Variants in NCR2 observed in about 807,000 individuals in gnomAD.
The protein encoded by NCR2 is NK cell activating receptor (NKp44).
Under a neutral mutation model 30.7 loss-of-function variants are expected in NCR2, and 35 were observed. The observed-to-expected ratio is 1.14, with a 90% CI of 0.87 to 1.51. The LOEUF (loss-of-function observed/expected upper bound fraction) is 1.51, where lower values mean the gene tolerates loss of function less well. Among genes scored for constraint, NCR2 ranks in the 40% most tolerant of loss-of-function variants. The probability of loss-of-function intolerance (pLI) is 0.00; values close to 1 mark genes in which losing one functional copy is unlikely to be tolerated. For synonymous variants in NCR2, 146 were observed against 134.8 expected, an observed-to-expected ratio of 1.08 and a Z score of -0.58; for missense variants, 316 against 328.9, an observed-to-expected ratio of 0.96 and a Z score of 0.30.
rs572651480 is a variant in NCR2 at position 41,350,191 on chromosome 6, C to T, written c.645-487C>T. ...TGGTAAAAACAGAACTGATAACACA[C>T]ATATTACCAAGCTATTTGGATTTCT... On this transcript the variant is annotated intron_variant, in intron 4 of 4. Coordinates refer to ENST00000373089, the MANE Select transcript of NCR2 (RefSeq NM_004828.4). 5.3e-5 allele frequency among the ~76,000 whole-genome samples: 8 copies of T among 152,288 alleles called. No homozygotes were observed. In the South Asian group the frequency reaches 1.7e-3, roughly 32 times the overall value.
intron 2 of NCR2, among the ~76,000 whole-genome samples, chr6:41,339,938 G>GT (rs969604369): frequency 3.4e-4 from 52 of 151,872 alleles, no homozygotes; most frequent in East Asian, 1.9e-3. Flanking sequence ...CAGGAAAGAT[G>GT]TTTTTTTTCA....
Position 41,336,375 on chromosome 6 carries a change from C to T in NCR2, c.341C>T (p.Pro114Leu). The change falls in exon 2 of 5, where the codon CCT becomes CTT. Residue 114 changes from proline (P) to leucine (L), a missense_variant. Physicochemically the swap from Pro to Leu is moderately conservative, Grantham distance 98. Transcript: ENST00000373089. Reference protein sequence around the residue: ...SGHYWCRIYRPSDNSVSKSVR... With the variant: ...SGHYWCRIYRLSDNSVSKSVR... ...CATTACTGGTGTAGAATCTACCGCCCTTCTGACAACTCTGTCTCTAAGTCC... is the reference window on the plus strand; with the variant it reads ...CATTACTGGTGTAGAATCTACCGCCTTTCTGACAACTCTGTCTCTAAGTCC... The T allele has an allele frequency of 6.2e-7, 1 of 1,614,018 alleles. No homozygotes were observed. Among genetic ancestry groups the T allele is most frequent in the Non-Finnish European group, 8.5e-7 (1 of 1,180,010 alleles).
At chr6:41,347,975 G>C (rs1769343748) in intron 4 of NCR2, among the ~76,000 whole-genome samples, 1 of 152,194 alleles carries the variant, frequency 6.6e-6, no homozygotes. Context: ...ATCCAAGAGA[G>C]GGTGCGGAAG....
At position 41,336,410 on chromosome 6, in the gene NCR2, T is replaced by C; in HGVS notation, c.376T>C (p.Tyr126His). 1 of 1,613,216 alleles carries C rather than the reference T, an allele frequency of 6.2e-7. No individual in the cohort carries two copies. Among genetic ancestry groups the C allele is most frequent in the Non-Finnish European group, 8.5e-7 (1 of 1,179,326 alleles). ...CTCTGTCTCTAAGTCCGTCAGATTC[T>C]ATCTGGTGGTATCTCCAGGTGAGCT... ...DNSVSKSVRF[Y>H]LVVSPASAST... Residue 126 changes from tyrosine to histidine, a missense_variant, in exon 2 of 5, where the codon TAT (tyrosine) becomes CAT (histidine). Coordinates refer to ENST00000373089, the MANE Select transcript of NCR2 (RefSeq NM_004828.4).
At chr6:41,346,760 A>G (rs571851036) in intron 4 of NCR2, among the ~76,000 whole-genome samples, 7 of 146,278 alleles carry the variant, frequency 4.8e-5, no homozygotes, top group Admixed American at 6.8e-5. Flanking sequence ...CCCTCTCCAC[A>G]TGCTCAGCTG....
rs1317376211 is a variant in NCR2, at chr6:41,336,200, A to AAGG, written c.170_172dup (p.Glu57dup). On this transcript the variant is annotated inframe_insertion, in exon 2 of 5. Coordinates refer to ENST00000373089, the MANE Select transcript of NCR2 (RefSeq NM_004828.4). The stretch of plus-strand genomic sequence containing the variant: ...TCTCTACGAGAAGAAAGGCTGGTGT[A>AAGG]AGGAGGCTTCAGCACTTGTGTGCAT... The AAGG allele has an allele frequency of 6.2e-7, 1 of 1,614,196 alleles. No homozygotes were observed. Among genetic ancestry groups the AAGG allele is most frequent in the Non-Finnish European group, 8.5e-7 (1 of 1,180,038 alleles).
rs746194883 is a variant in NCR2 at position 41,350,699 on chromosome 6, C to T, written c.666C>T (p.Thr222=). 5 of 1,613,562 alleles carry T rather than the reference C, an allele frequency of 3.1e-6. No individual in the cohort carries two copies. Among genetic ancestry groups the T allele is most frequent in the East Asian group, 2.2e-5 (1 of 44,898 alleles). The change falls in exon 5 of 5, where the codon ACC becomes ACT. Residue 222 remains threonine, a synonymous_variant. Transcript: ENST00000373089. ...LVWWGDIWWK[T]MMELRSLDTQ... ...GCAGGGGGGACATATGGTGGAAAAC[C>T]ATGATGGAGCTCAGGAGCCTGGATA...
At chr6:41,342,897 T>G (rs1162732508) in intron 4 of NCR2, 2 of 1,543,804 alleles carry the variant, frequency 1.3e-6, no homozygotes, top group Non-Finnish European at 1.8e-6. Flanking sequence ...TCACTTCATG[T>G]ATTTCTCCCC....
chr6:41,342,108 C>G lies in NCR2; in HGVS notation c.603C>G (p.Leu201=), dbSNP rs145772502. The part of the protein sequence containing the change: ...IALVPVFCGL[L]VAKSLVLSAL... The stretch of plus-strand genomic sequence containing the variant: ...TGGTGCCTGTGTTCTGTGGACTCCT[C>G]GTAGCCAAGAGCCTGGTGCTGTCAG... Residue 201 remains leucine, a synonymous_variant, in exon 4 of 5, where the codon CTC becomes CTG. Coordinates refer to ENST00000373089, the MANE Select transcript of NCR2 (RefSeq NM_004828.4). 1 of 1,613,548 alleles carries G rather than the reference C, an allele frequency of 6.2e-7. No homozygotes were observed.
Position 41,336,252 on chromosome 6 carries a change from G to A in NCR2, c.218G>A (p.Arg73Lys), listed in dbSNP as rs1769022584. The A allele has an allele frequency of 5.0e-6, 8 of 1,614,174 alleles. 1 individual carries two copies. In the East Asian group the frequency reaches 1.8e-4, roughly 36 times the overall value. Residue 73 changes from arginine to lysine, a missense_variant, in exon 2 of 5, where the codon AGG (arginine) becomes AAG (lysine). Physicochemically the swap from Arg to Lys is conservative, Grantham distance 26. Transcript: ENST00000373089. The part of the protein sequence containing the change: ...CIRLVTSSKP[R>K]TMAWTSRFTI... The stretch of plus-strand genomic sequence containing the variant: ...AGGTTAGTCACCAGCTCCAAGCCCA[G>A]GACGATGGCTTGGACCTCTCGATTC...
chr6:41,342,851 T>C, intron 4 of NCR2: 8 of 1,419,236 alleles, frequency 5.6e-6, no homozygotes, highest in Non-Finnish European at 6.8e-6. Context: ...AGGGGCAGGC[T>C]TGGGGAAAGG....
At chr6:41,337,264 C>T (rs684147) in intron 2 of NCR2, among the ~76,000 whole-genome samples, 4,415 of 152,176 alleles carry the variant, frequency 0.029, 83 homozygotes, top group African/African-American at 0.053. Context: ...ATTTGACAAA[C>T]ATAAAATTAC....
chr6:41,336,063 A>G (rs201417185), intron 1 of NCR2, 24 bp from the exon 2 acceptor site: 6 of 1,607,062 alleles, frequency 3.7e-6, no homozygotes, highest in East Asian at 2.2e-5. Context: ...GCCTTGACCT[A>G]TGCGTTACTT....
intron 4 of NCR2, among the ~76,000 whole-genome samples, chr6:41,343,334 T>C (rs1488926258): frequency 6.6e-6 from 1 of 152,128 alleles, no homozygotes; most frequent in African/African-American, 2.4e-5. Context: ...ACGTGAGGCC[T>C]GGAACGCTGG....
At chr6:41,339,246 G>A (rs1384184900) in intron 2 of NCR2, among the ~76,000 whole-genome samples, 1 of 151,806 alleles carries the variant, frequency 6.6e-6, no homozygotes, top group Admixed American at 6.6e-5. Context: ...ATTTTTAGTA[G>A]AGATGGGGTT....
Position 41,336,453 on chromosome 6 carries a change from A to C in NCR2, c.394+25A>C, listed in dbSNP as rs1483347415. The C allele has an allele frequency of 2.5e-6, 4 of 1,588,100 alleles. No individual in the cohort carries two copies. In the Admixed American group the frequency reaches 6.7e-5, roughly 27 times the overall value. Reference sequence around the variant, plus strand: ...GGTGAGCTCTTTCCCTAGGGTCCTCAGAGGGGTGCCCCTCACCCCCTTTTG... The same window carrying C: ...GGTGAGCTCTTTCCCTAGGGTCCTCCGAGGGGTGCCCCTCACCCCCTTTTG... On this transcript the variant is annotated intron_variant, in intron 2 of 4. Coordinates refer to ENST00000373089, the MANE Select transcript of NCR2 (RefSeq NM_004828.4).
intron 4 of NCR2, among the ~76,000 whole-genome samples, chr6:41,347,368 T>C (rs941440286): frequency 1.3e-5 from 2 of 152,198 alleles, no homozygotes; most frequent in African/African-American, 4.8e-5. Flanking sequence ...TATCTTATTG[T>C]CCTCTGCAGC....
chr6:41,349,909 C>G (rs1346216327), intron 4 of NCR2, among the ~76,000 whole-genome samples: 1 of 152,134 alleles, frequency 6.6e-6, no homozygotes, highest in Non-Finnish European at 1.5e-5. Context: ...GTTGAATAAT[C>G]CTGCCTAGAG....
intron 4 of NCR2, among the ~76,000 whole-genome samples, chr6:41,344,533 A>G (rs1769252418): frequency 2.6e-5 from 4 of 152,228 alleles, no homozygotes; most frequent in African/African-American, 4.8e-5. Context: ...CCCCAAGGTT[A>G]CATTCTATTC....
Sources: gnomAD v4.1 joint callset for allele counts (sites outside exome capture counted in the v4.1 genomes callset) on GRCh38, gnomAD v4.1.1 for gene constraint, MANE v1.5 for transcripts, NCBI Gene and HGNC (gene_info 2026-07-23, HGNC 2026-07-21) for gene names.